Variants in MSI2 observed in about 807,000 individuals in gnomAD.
MSI2 encodes the protein musashi RNA binding protein 2, also known as RNA-binding protein Musashi homolog 2.
Under a neutral mutation model 45.6 loss-of-function variants are expected in MSI2, and 17 were observed. The ratio of observed to expected loss-of-function variants is 0.37; its 90% CI spans 0.26 to 0.56. The LOEUF (loss-of-function observed/expected upper bound fraction) is 0.56, where lower values mean the gene tolerates loss of function less well. Among genes scored for constraint, MSI2 ranks in the 20% least tolerant of loss-of-function variants. MSI2 has a pLI of 0.77. For missense variants in MSI2, 293 were observed against 444.2 expected, an observed-to-expected ratio of 0.66 and a Z score of 3.06; for synonymous variants, 156 against 158.2, an observed-to-expected ratio of 0.99 and a Z score of 0.11.
chr17:57,397,509 T>G (rs1351138005), intron 5 of MSI2, among the ~76,000 whole-genome samples: 3 of 152,234 alleles, frequency 2.0e-5, no homozygotes, highest in Admixed American at 1.3e-4. Flanking sequence ...TTAGTCCCAC[T>G]GAAAGTCAGG....
At chr17:57,320,904 A>T (rs1162875669) in intron 5 of MSI2, among the ~76,000 whole-genome samples, 3 of 151,922 alleles carry the variant, frequency 2.0e-5, no homozygotes, top group Non-Finnish European at 4.4e-5. Context: ...ATGAGAGTGG[A>T]CGTCTTGTCC....
intron 6 of MSI2, among the ~76,000 whole-genome samples, chr17:57,403,267 T>C (rs1327510985): frequency 6.6e-6 from 1 of 152,222 alleles, no homozygotes; most frequent in Non-Finnish European, 1.5e-5. Flanking sequence ...CCTTGGTTTC[T>C]TTCTGTCTCT....
At chr17:57,664,819 A>G (rs1262413000) in intron 11 of MSI2, among the ~76,000 whole-genome samples, 2 of 152,164 alleles carry the variant, frequency 1.3e-5, no homozygotes, top group East Asian at 1.9e-4. Flanking sequence ...ATCAACCCAG[A>G]GATTGTGGCC....
intron 6 of MSI2, among the ~76,000 whole-genome samples, chr17:57,519,972 G>A (rs1016192033): frequency 1.3e-5 from 2 of 152,096 alleles, no homozygotes; most frequent in African/African-American, 2.4e-5. Flanking sequence ...CGGGAGGATC[G>A]CTGGAGCCCA....
intron 5 of MSI2, among the ~76,000 whole-genome samples, chr17:57,306,102 G>A (rs879538112): frequency 3.3e-5 from 5 of 152,058 alleles, no homozygotes; most frequent in African/African-American, 9.6e-5. Flanking sequence ...GTAGAGAGAA[G>A]CCTGGCCTTT....
chr17:57,484,956 G>C (rs1249212101), intron 6 of MSI2, among the ~76,000 whole-genome samples: 1 of 152,200 alleles, frequency 6.6e-6, no homozygotes, highest in Non-Finnish European at 1.5e-5. Flanking sequence ...GGTTTTATCT[G>C]TGTCACTCCT....
chr17:57,596,082 G>A lies in MSI2; in HGVS notation c.455-786G>A, dbSNP rs1043591530. ...GGTAAAGCAGCACTTACTGAGTGGG[G>A]TCACAGATGGGGCCACATGCTGGAA... On this transcript the variant is annotated intron_variant, in intron 7 of 13. Transcript: ENST00000284073. This position sits in a 1 kb window ranked among gnomAD's most constrained non-coding sequence, Gnocchi z 4.6. Among the ~76,000 whole-genome samples, 1 of 152,220 alleles carries A rather than the reference G, an allele frequency of 6.6e-6. No individual in the cohort carries two copies. Among genetic ancestry groups the A allele is most frequent in the South Asian group, 2.1e-4 (1 of 4,826 alleles).
intron 11 of MSI2, among the ~76,000 whole-genome samples, chr17:57,658,508 CT>C (rs1911763684): frequency 2.0e-5 from 3 of 152,218 alleles, no homozygotes; most frequent in Admixed American, 2.0e-4. Context: ...CAGCTGCCCG[CT>C]GCTGACCTCA....
chr17:57,556,493 G>A (rs1474063979), intron 7 of MSI2, among the ~76,000 whole-genome samples: 1 of 152,238 alleles, frequency 6.6e-6, no homozygotes, highest in Non-Finnish European at 1.5e-5. Flanking sequence ...GAGGCAGAAC[G>A]TGTCTGTGCT....
chr17:57,650,933 T>C (rs1243630412), intron 10 of MSI2, among the ~76,000 whole-genome samples: 1 of 152,204 alleles, frequency 6.6e-6, no homozygotes, highest in African/African-American at 2.4e-5. Context: ...TAGCTAAAGT[T>C]GAGCAGCCCT....
At chr17:57,515,528 C>T (rs562066748) in intron 6 of MSI2, among the ~76,000 whole-genome samples, 3 of 152,080 alleles carry the variant, frequency 2.0e-5, no homozygotes, top group African/African-American at 4.8e-5. Context: ...TTTCTTTATC[C>T]TCCAAAATCT....
intron 5 of MSI2, among the ~76,000 whole-genome samples, chr17:57,350,277 G>T (rs1915924296): frequency 6.7e-6 from 1 of 148,534 alleles, no homozygotes; most frequent in African/African-American, 2.5e-5. Flanking sequence ...TGTTACTGTG[G>T]ACCATATGTA....
intron 5 of MSI2, chr17:57,285,765 C>A: frequency 8.3e-7 from 1 of 1,197,924 alleles, no homozygotes; most frequent in Non-Finnish European, 1.1e-6. Context: ...ACTCTATTTT[C>A]TTAGCAAGCA....
chr17:57,299,264 A>T (rs1410184443), intron 5 of MSI2, among the ~76,000 whole-genome samples: 1 of 152,210 alleles, frequency 6.6e-6, no homozygotes, highest in Non-Finnish European at 1.5e-5. Flanking sequence ...CTTATCGTTC[A>T]TGTGTTCACT....
chr17:57,332,803 A>T (rs1914377179), intron 5 of MSI2, among the ~76,000 whole-genome samples: 1 of 152,194 alleles, frequency 6.6e-6, no homozygotes. Flanking sequence ...AGGCGGGTGG[A>T]TCACGAGGTC....
chr17:57,558,451 A>C (rs2087492547), intron 7 of MSI2, among the ~76,000 whole-genome samples: 1 of 151,986 alleles, frequency 6.6e-6, no homozygotes, highest in Admixed American at 6.6e-5. Context: ...CCTCCCCTAG[A>C]GTTTGAGTTC....
chr17:57,651,703 T>A (rs1022234087), intron 10 of MSI2, among the ~76,000 whole-genome samples: 6 of 152,194 alleles, frequency 3.9e-5, no homozygotes, highest in Non-Finnish European at 8.8e-5. Context: ...TCCGCCATGA[T>A]CTCTGCCAGG....
intron 5 of MSI2, chr17:57,278,762 G>A (rs1422815661): frequency 6.5e-6 from 1 of 153,006 alleles, no homozygotes; most frequent in East Asian, 1.9e-4. Context: ...TGCCATGGTG[G>A]TTTGCTGCAC....
At chr17:57,300,806 C>T (rs960538917) in intron 5 of MSI2, among the ~76,000 whole-genome samples, 1 of 152,212 alleles carries the variant, frequency 6.6e-6, no homozygotes, top group Non-Finnish European at 1.5e-5. Context: ...ATAAAACCGT[C>T]AGATCTTGTG....
Sources: gnomAD v4.1 joint callset for allele counts (sites outside exome capture counted in the v4.1 genomes callset) on GRCh38, gnomAD v4.1.1 for gene constraint, Gnocchi (gnomAD v3.1) non-coding constraint, MANE v1.5 for transcripts, NCBI Gene and HGNC (gene_info 2026-07-23, HGNC 2026-07-21) for gene names.